The following TYMS variants were observed in gnomAD, a reference collection of about 807,000 sequenced individuals.
TYMS encodes thymidylate synthetase.
A neutral mutation model predicts 39.3 loss-of-function variants in TYMS; 21 were observed. That is an observed-to-expected ratio of 0.54 (90% CI 0.38 to 0.77). The LOEUF (loss-of-function observed/expected upper bound fraction) is 0.77, where lower values mean the gene tolerates loss of function less well. TYMS is among the 30% of genes least tolerant of loss of function. The pLI, the probability that TYMS is intolerant of heterozygous loss-of-function variation, is 0.00. For missense variants in TYMS, 273 were observed against 406.7 expected, an observed-to-expected ratio of 0.67 and a Z score of 2.83; for synonymous variants, 171 against 162.2, an observed-to-expected ratio of 1.05 and a Z score of -0.41.
intron 3 of TYMS, among the ~76,000 whole-genome samples, chr18:666,914 G>A (rs1344782542): frequency 1.5e-5 from 1 of 64,910 alleles, no homozygotes. Context: ...GATGGTGATG[G>A]TGATGGAGAT....
intron 3 of TYMS, among the ~76,000 whole-genome samples, chr18:667,992 ATTT>A (rs60409589): frequency 9.5e-5 from 10 of 105,356 alleles, no homozygotes; most frequent in Admixed American, 2.9e-4. Context: ...ATTCACAGGA[ATTT>A]TTTTTTTTTT....
intron 3 of TYMS, among the ~76,000 whole-genome samples, chr18:664,901 G>A (rs979547687): frequency 2.3e-4 from 33 of 142,432 alleles, no homozygotes; most frequent in Non-Finnish European, 4.5e-4. Context: ...TTTTTGATGT[G>A]CTGCTGGATT....
In TYMS at chr18:667,011, T is replaced by A. The variant is rs1297028091; in HGVS notation, c.455-2061T>A. ...GTGATGGTGATGGAGATGGTGATGG[T>A]GATGGAGATGGAGATGGTGATGGAG... On this transcript the variant is annotated intron_variant, in intron 3 of 6. Coordinates refer to ENST00000323274, the MANE Select transcript of TYMS (RefSeq NM_001071.4). Among the ~76,000 whole-genome samples, 37 of 5,866 alleles carry A rather than the reference T, an allele frequency of 6.3e-3. 4 individuals are homozygous for A. The highest frequency in any genetic ancestry group is 0.041 in the South Asian group (7 of 170). 3.8% of individuals were successfully genotyped at this position (5,866 alleles called of 152,430 possible). A position where few individuals can be genotyped will look rare whatever the true frequency, so the allele number is the denominator to read the frequency against.
chr18:664,443 T>A (rs1377730634), intron 3 of TYMS, among the ~76,000 whole-genome samples: 1 of 144,688 alleles, frequency 6.9e-6, no homozygotes, highest in Non-Finnish European at 1.5e-5. Flanking sequence ...TTTCTAGATA[T>A]ACAATCATGT....
intron 3 of TYMS, among the ~76,000 whole-genome samples, chr18:667,089 T>C (rs201457811): frequency 2.0e-5 from 1 of 50,144 alleles, no homozygotes; most frequent in Non-Finnish European, 3.4e-5. Flanking sequence ...ATGGTGATGG[T>C]GATGGAGATG....
At chr18:668,011 T>TTTTTTTTTTTTTTTTA (rs1555639908) in intron 3 of TYMS, among the ~76,000 whole-genome samples, 2 of 149,796 alleles carry the variant, frequency 1.3e-5, no homozygotes, top group African/African-American at 5.0e-5. Context: ...TTTTTTTTTT[T>TTTTTTTTTTTTTTTTA]AATGCACAGA....
intron 3 of TYMS, among the ~76,000 whole-genome samples, chr18:664,088 A>G (rs960368163): frequency 1.4e-5 from 2 of 146,972 alleles, no homozygotes; most frequent in African/African-American, 2.6e-5. Context: ...ATGGCATTGA[A>G]TCTATAAATT....
Position 673,026 on chromosome 18 carries a change from T to G in TYMS, c.*29T>G. ...GCTTTCAAAGGAGCTCGAAGGATAT[T>G]GTCAGTCTTTAGGGGTTGGGCTGGA... On this transcript the variant is annotated 3_prime_UTR_variant, in exon 7 of 7. Transcript: ENST00000323274. 1 of 1,520,368 alleles carries G rather than the reference T, an allele frequency of 6.6e-7. No individual in the cohort carries two copies. Among genetic ancestry groups the G allele is most frequent in the South Asian group, 1.3e-5 (1 of 76,718 alleles). 94.2% of individuals were successfully genotyped at this position (1,520,368 alleles called of 1,614,324 possible). A position where few individuals can be genotyped will look rare whatever the true frequency, so the allele number is the denominator to read the frequency against.
At chr18:659,151 ATC>A (rs922454972) in intron 1 of TYMS, among the ~76,000 whole-genome samples, 1 of 152,094 alleles carries the variant, frequency 6.6e-6, no homozygotes, top group Non-Finnish European at 1.5e-5. Context: ...GCTTGCAAAA[ATC>A]TCTCTGTTGT....
chr18:658,305 C>T lies in TYMS; in HGVS notation c.205+358C>T. 7.2e-7 allele frequency: 1 copy of T among 1,388,020 alleles called. No homozygotes were observed. Among genetic ancestry groups the T allele is most frequent in the Non-Finnish European group, 9.6e-7 (1 of 1,043,936 alleles). The allele number at this position is 1,388,020 out of a possible 1,614,324, so 86.0% of individuals were successfully genotyped here. ...GGAGAGCTGCCTGGGCTTGACCGCGCGCCGGTCTCAAAGTCCTGGCTTTGG... is the reference window on the plus strand; with the variant it reads ...GGAGAGCTGCCTGGGCTTGACCGCGTGCCGGTCTCAAAGTCCTGGCTTTGG... On this transcript the variant is annotated intron_variant, in intron 1 of 6. Coordinates refer to ENST00000323274, the MANE Select transcript of TYMS (RefSeq NM_001071.4). The surrounding 1 kb of genome is among the most constrained non-coding windows in gnomAD (Gnocchi z 4.5).
At position 657,766 on chromosome 18, in the gene TYMS, G is replaced by A. The variant is rs1285117039; in HGVS notation, c.24G>A (p.Leu8=). The change falls in exon 1 of 7, where the codon CTG becomes CTA. Residue 8 remains leucine (L), a synonymous_variant. Coordinates refer to ENST00000323274, the MANE Select transcript of TYMS (RefSeq NM_001071.4). MPVAGSE[L]PRRPLPPAAQ... is the part of the protein sequence containing the mutation. ...CCATGCCTGTGGCCGGCTCGGAGCTGCCGCGCCGGCCCTTGCCCCCCGCCG... is the reference window on the plus strand; with the variant it reads ...CCATGCCTGTGGCCGGCTCGGAGCTACCGCGCCGGCCCTTGCCCCCCGCCG... The A allele has an allele frequency of 7.0e-7, 1 of 1,430,670 alleles. No individual in the cohort carries two copies. Among genetic ancestry groups the A allele is most frequent in the Non-Finnish European group, 9.1e-7 (1 of 1,101,508 alleles). The allele number at this position is 1,430,670 out of a possible 1,614,324, so 88.6% of individuals were successfully genotyped here.
intron 3 of TYMS, among the ~76,000 whole-genome samples, chr18:667,035 AGATGGT>A (rs1163107238): frequency 2.9e-4 from 3 of 10,334 alleles, no homozygotes; most frequent in Non-Finnish European, 5.2e-4. Flanking sequence ...ATGGTGATGG[AGATGGT>A]GATGGTGATG....
chr18:661,289 A>C (rs2074753373), intron 2 of TYMS, among the ~76,000 whole-genome samples: 1 of 152,220 alleles, frequency 6.6e-6, no homozygotes, highest in Non-Finnish European at 1.5e-5. Context: ...TTAATGCTTC[A>C]ATTCAGGATT....
At chr18:665,440 T>C (rs1187925577) in intron 3 of TYMS, among the ~76,000 whole-genome samples, 1 of 150,880 alleles carries the variant, frequency 6.6e-6, no homozygotes. Context: ...GGTCTATAAA[T>C]TTTGTTGATC....
At chr18:666,909 T>TGATGG (rs1290842892) in intron 3 of TYMS, among the ~76,000 whole-genome samples, 3 of 41,492 alleles carry the variant, frequency 7.2e-5, no homozygotes, top group South Asian at 9.0e-4. Flanking sequence ...ATGGAGATGG[T>TGATGG]GATGGTGATG....
intron 2 of TYMS, among the ~76,000 whole-genome samples, chr18:661,900 G>A (rs919867993): frequency 6.6e-6 from 1 of 152,236 alleles, no homozygotes; most frequent in Admixed American, 6.5e-5. Flanking sequence ...CAGGGGAATC[G>A]CTTGAACCTG....
intron 3 of TYMS, among the ~76,000 whole-genome samples, chr18:666,056 T>G (rs1321875009): frequency 1.0e-5 from 1 of 98,476 alleles, no homozygotes; most frequent in Non-Finnish European, 1.9e-5. Flanking sequence ...CTGAGTTCAA[T>G]TCCTGGGTAT....
chr18:664,368 A>T (rs184086822), intron 3 of TYMS, among the ~76,000 whole-genome samples: 1 of 144,920 alleles, frequency 6.9e-6, no homozygotes, highest in Admixed American at 6.8e-5. Context: ...GATTGATTTT[A>T]TATCCTGAGA....
At chr18:669,364 G>T (rs1241310907) in intron 4 of TYMS, 191 bp downstream of exon 4, 12 of 383,714 alleles carry the variant, frequency 3.1e-5, no homozygotes, top group African/African-American at 5.3e-5. Context: ...TGGGCCCAGA[G>T]GATTTTTTTT....
Sources: gnomAD v4.1 joint callset for allele counts (sites outside exome capture counted in the v4.1 genomes callset) on GRCh38, gnomAD v4.1.1 for gene constraint, Gnocchi (gnomAD v3.1) non-coding constraint, MANE v1.5 for transcripts, NCBI Gene and HGNC (gene_info 2026-07-23, HGNC 2026-07-21) for gene names.